CLVS1: variants seen among roughly 807,000 people sequenced by gnomAD.
CLVS1 encodes clavesin 1, also known as clavesin-1.
Under a neutral mutation model 33.1 loss-of-function variants are expected in CLVS1, and 10 were observed. The observed-to-expected ratio is 0.30, with a 90% CI of 0.19 to 0.51. The LOEUF (loss-of-function observed/expected upper bound fraction) is 0.51. CLVS1 is among the 20% of genes least tolerant of loss of function. CLVS1 has a pLI of 0.97. For missense variants in CLVS1, 343 were observed against 433.4 expected, an observed-to-expected ratio of 0.79 and a Z score of 1.85; for synonymous variants, 163 against 166.1, an observed-to-expected ratio of 0.98 and a Z score of 0.14.
At chr8:61,425,312 T>A (rs1815841416) in intron 3 of CLVS1, among the ~76,000 whole-genome samples, 1 of 152,206 alleles carries the variant, frequency 6.6e-6, no homozygotes, top group African/African-American at 2.4e-5. Flanking sequence ...TTGGGTAGGA[T>A]GTTAATCCCC....
At chr8:61,161,625 T>C (rs868502360) in intron 2 of CLVS1, among the ~76,000 whole-genome samples, 4 of 152,134 alleles carry the variant, frequency 2.6e-5, no homozygotes, top group Non-Finnish European at 4.4e-5. Context: ...GAGAGGAGAA[T>C]GGTATTTCAC....
At chr8:61,010,217 T>C in the CLVS1 span, among the ~76,000 whole-genome samples, 1 of 152,224 alleles carries the variant, frequency 6.6e-6, no homozygotes, top group African/African-American at 2.4e-5. Context: ...GTTGGCCTTC[T>C]TCATGTGACA....
chr8:61,371,593 T>G (rs1440764342), intron 2 of CLVS1, among the ~76,000 whole-genome samples: 1 of 152,238 alleles, frequency 6.6e-6, no homozygotes, highest in Non-Finnish European at 1.5e-5. Flanking sequence ...ATCTGATCAC[T>G]TATAGCCTTA....
chr8:61,365,772 TGTGC>T (rs141504842), intron 2 of CLVS1, among the ~76,000 whole-genome samples: 4,147 of 142,876 alleles, frequency 0.029, 186 homozygotes, highest in African/African-American at 0.12. Context: ...TGTGTGTGTG[TGTGC>T]GTGTGTGTGT....
At chr8:60,966,347 C>T in the CLVS1 span, 9 of 455,390 alleles carry the variant, frequency 2.0e-5, no homozygotes, top group Non-Finnish European at 4.0e-5. Context: ...CTCCTTTTCA[C>T]GGAGATGACA....
At chr8:61,344,292 C>T (rs1812123967) in intron 2 of CLVS1, among the ~76,000 whole-genome samples, 1 of 152,142 alleles carries the variant, frequency 6.6e-6, no homozygotes, top group Non-Finnish European at 1.5e-5. Flanking sequence ...GGTGATCCAC[C>T]CACATCAGCC....
intron 2 of CLVS1, among the ~76,000 whole-genome samples, chr8:61,254,192 C>A (rs1429451964): frequency 2.6e-5 from 4 of 152,206 alleles, no homozygotes; most frequent in Non-Finnish European, 1.5e-5. Flanking sequence ...CCACTCCAGA[C>A]CCTGTTTGCC....
chr8:61,446,693 T>A (rs1360456417), intron 3 of CLVS1, among the ~76,000 whole-genome samples: 2 of 152,196 alleles, frequency 1.3e-5, no homozygotes, highest in Admixed American at 6.5e-5. Flanking sequence ...TTCTCAATAC[T>A]GTCCCCACCT....
At chr8:61,383,038 C>T (rs1249679209) in intron 3 of CLVS1, among the ~76,000 whole-genome samples, 1 of 152,178 alleles carries the variant, frequency 6.6e-6, no homozygotes, top group Admixed American at 6.5e-5. Flanking sequence ...TCTGTGGGCC[C>T]ATGTGGCTCT....
chr8:61,400,498 T>C lies in CLVS1; in HGVS notation c.630+23719T>C, dbSNP rs959033064. 1.2e-4 allele frequency among the ~76,000 whole-genome samples: 19 copies of C among 152,198 alleles called. 1 individual carries two copies. The highest frequency in any genetic ancestry group is 4.6e-4 in the African/African-American group (19 of 41,452). On this transcript the variant is annotated intron_variant, in intron 3 of 5. Transcript: ENST00000325897. ...TTCAAACAAAGATAGTTTGGCTTCT[T>C]CTCTTCCTGTTTGAATATGCTTTAT...
chr8:61,177,080 C>A (rs528907445), intron 2 of CLVS1, among the ~76,000 whole-genome samples: 1 of 108,276 alleles, frequency 9.2e-6, no homozygotes, highest in South Asian at 3.3e-4. Flanking sequence ...GGCGAGGGGG[C>A]GGGGCGGGGG....
At chr8:61,238,700 C>G (rs187241400) in intron 2 of CLVS1, among the ~76,000 whole-genome samples, 8 of 152,270 alleles carry the variant, frequency 5.3e-5, no homozygotes, top group Non-Finnish European at 1.2e-4. Context: ...TTTTTTTATA[C>G]TTTACTTAAT....
chr8:61,001,836 T>A, the CLVS1 span, among the ~76,000 whole-genome samples: 1 of 152,256 alleles, frequency 6.6e-6, no homozygotes, highest in African/African-American at 2.4e-5. Context: ...CTTTACACCA[T>A]CGTTGCCTAT....
intron 2 of CLVS1, among the ~76,000 whole-genome samples, chr8:61,327,955 T>C (rs1006427347): frequency 6.6e-6 from 1 of 152,206 alleles, no homozygotes; most frequent in African/African-American, 2.4e-5. Context: ...ACATGCATTG[T>C]TTAATTAAAG....
chr8:61,170,595 C>T (rs913409358), intron 2 of CLVS1, among the ~76,000 whole-genome samples: 3 of 152,104 alleles, frequency 2.0e-5, no homozygotes, highest in African/African-American at 7.2e-5. Context: ...CAGGTTTGAA[C>T]CTTAGTCCTC....
At chr8:61,282,810 G>A (rs1279028589) in intron 2 of CLVS1, among the ~76,000 whole-genome samples, 1 of 152,154 alleles carries the variant, frequency 6.6e-6, no homozygotes, top group Admixed American at 6.5e-5. Flanking sequence ...ACCTGAAAGG[G>A]ACTAACACAT....
chr8:61,474,939 C>A lies in CLVS1; in HGVS notation c.977+16397C>A, dbSNP rs538550586. Among the ~76,000 whole-genome samples the A allele has an allele frequency of 2.6e-5, 4 of 152,324 alleles. No homozygotes were observed. The South Asian group carries it at 8.3e-4, about 32-fold the overall frequency. Reference sequence around the variant, plus strand: ...TTAGGTATATCTCCTAATGCTATCCCTCCCCACTGCCCTCACCCCACAACA... The same window carrying A: ...TTAGGTATATCTCCTAATGCTATCCATCCCCACTGCCCTCACCCCACAACA... On this transcript the variant is annotated intron_variant, in intron 5 of 5. Coordinates refer to ENST00000325897, the MANE Select transcript of CLVS1 (RefSeq NM_173519.3).
chr8:61,185,590 A>T (rs1207828270), intron 2 of CLVS1, among the ~76,000 whole-genome samples: 4 of 152,176 alleles, frequency 2.6e-5, no homozygotes, highest in Admixed American at 2.6e-4. Flanking sequence ...TTCTGTAAAT[A>T]AACTTTATGT....
chr8:61,082,673 G>A (rs1805043188), intron 1 of CLVS1, among the ~76,000 whole-genome samples: 2 of 152,210 alleles, frequency 1.3e-5, no homozygotes, highest in Admixed American at 6.5e-5. Flanking sequence ...GTATGTGAGA[G>A]TGGAGTGAAA....
Sources: gnomAD v4.1 joint callset for allele counts (sites outside exome capture counted in the v4.1 genomes callset) on GRCh38, gnomAD v4.1.1 for gene constraint, MANE v1.5 for transcripts, NCBI Gene and HGNC (gene_info 2026-07-23, HGNC 2026-07-21) for gene names.